NEURL1: variants seen among roughly 807,000 people sequenced by gnomAD.
The protein encoded by NEURL1 is neuralized E3 ubiquitin protein ligase 1.
NEURL1 carries 26 observed loss-of-function variants against 41.2 expected under a neutral mutation model. The observed-to-expected ratio is 0.63, with a 90% CI of 0.46 to 0.87. The LOEUF is 0.87. Ranked by LOEUF, NEURL1 falls within the 40% of genes least tolerant of loss-of-function variation. The pLI, the probability that NEURL1 is intolerant of heterozygous loss-of-function variation, is 0.00. For missense variants in NEURL1, 761 were observed against 871.1 expected, an observed-to-expected ratio of 0.87 and a Z score of 1.59; for synonymous variants, 400 against 402.3, an observed-to-expected ratio of 0.99 and a Z score of 0.07.
At position 103,590,396 on chromosome 10, in the gene NEURL1, A is replaced by G. The variant is rs201923298; in HGVS notation, c.*24A>G. The G allele has an allele frequency of 1.3e-5, 20 of 1,583,282 alleles. No homozygotes were observed. In the East Asian group the frequency reaches 2.7e-4, roughly 21 times the overall value. On this transcript the variant is annotated 3_prime_UTR_variant, in exon 6 of 6. Transcript: ENST00000369780. Reference sequence around the variant, plus strand: ...AGCCCGTTGCGGTGGCCCATCCCGCATACCCATCTTCTCGGGCTTCAGCCC... The same window carrying G: ...AGCCCGTTGCGGTGGCCCATCCCGCGTACCCATCTTCTCGGGCTTCAGCCC...
intron 1 of NEURL1, among the ~76,000 whole-genome samples, chr10:103,529,383 A>T (rs1451509009): frequency 6.6e-6 from 1 of 152,200 alleles, no homozygotes; most frequent in Non-Finnish European, 1.5e-5. Context: ...AGGTCCCAAG[A>T]TAACTTGGGG....
intron 1 of NEURL1, among the ~76,000 whole-genome samples, chr10:103,554,475 T>C (rs995873435): frequency 1.3e-5 from 2 of 152,098 alleles, no homozygotes; most frequent in African/African-American, 2.4e-5. Flanking sequence ...GTGGTGTGTG[T>C]GTATGTGCAT....
rs2033989495 is a variant in NEURL1 at position 103,508,112 on chromosome 10, C to T, written c.85+13640C>T. On this transcript the variant is annotated intron_variant, in intron 1 of 5. Coordinates refer to ENST00000369780, the MANE Select transcript of NEURL1 (RefSeq NM_004210.5). This position sits in a 1 kb window ranked among gnomAD's most constrained non-coding sequence, Gnocchi z 4.3. ...AGAATGCGGAAGAGCAGCTGAGAAC[C>T]AGGCAACAGCTGGGAAAGTGGGGAG... 6.6e-6 allele frequency among the ~76,000 whole-genome samples: 1 copy of T among 152,204 alleles called. No individual in the cohort carries two copies. The highest frequency in any genetic ancestry group is 2.4e-5 in the African/African-American group (1 of 41,448).
rs117601495 is a variant in NEURL1 at position 103,554,621 on chromosome 10, C to T, written c.86-16251C>T. Among the ~76,000 whole-genome samples, 352 of 152,282 alleles carry T rather than the reference C, an allele frequency of 2.3e-3. 3 individuals carry two copies. The highest frequency in any genetic ancestry group is 2.2e-3 in the Non-Finnish European group (152 of 68,020). ...TCAGTTTTCTCATCTGTAAGACCAT[C>T]ATCATCATCTTAGAGATGGTACCTG... On this transcript the variant is annotated intron_variant, in intron 1 of 5. Coordinates refer to ENST00000369780, the MANE Select transcript of NEURL1 (RefSeq NM_004210.5).
intron 1 of NEURL1, among the ~76,000 whole-genome samples, chr10:103,534,774 A>G (rs2034655327): frequency 6.6e-6 from 1 of 152,088 alleles, no homozygotes; most frequent in South Asian, 2.1e-4. Flanking sequence ...CTGGGGTCCT[A>G]GGCTGAGGGT....
chr10:103,541,234 C>T (rs935078983), intron 1 of NEURL1, among the ~76,000 whole-genome samples: 3 of 152,036 alleles, frequency 2.0e-5, no homozygotes, highest in African/African-American at 7.3e-5. Flanking sequence ...GTTAAGTAGA[C>T]ATCAAGAGAG....
At position 103,590,642 on chromosome 10, in the gene NEURL1, A is replaced by G; in HGVS notation, c.*270A>G. ...GTCTCTGCACCCAGCTCCTCTCTGC[A>G]TGCTGAGGGCTAAATTGGGATCTCA... is the stretch of plus-strand genomic sequence containing the variant. On this transcript the variant is annotated 3_prime_UTR_variant, in exon 6 of 6. Coordinates refer to ENST00000369780, the MANE Select transcript of NEURL1 (RefSeq NM_004210.5). 1 of 507,752 alleles carries G rather than the reference A, an allele frequency of 2.0e-6. No homozygotes were observed. The allele number at this position is 507,752 out of a possible 1,614,324, so 31.5% of individuals were successfully genotyped here.
intron 1 of NEURL1, among the ~76,000 whole-genome samples, chr10:103,559,908 AACAC>A (rs774621863): frequency 6.6e-6 from 1 of 151,818 alleles, no homozygotes; most frequent in Non-Finnish European, 1.5e-5. Context: ...GCACACACAC[AACAC>A]ACACATGCAC....
rs1268971404 is a variant in NEURL1 at position 103,566,962 on chromosome 10, T to G, written c.86-3910T>G. 6.6e-6 allele frequency among the ~76,000 whole-genome samples: 1 copy of G among 151,914 alleles called. No homozygotes were observed. Among genetic ancestry groups the G allele is most frequent in the Non-Finnish European group, 1.5e-5 (1 of 67,996 alleles). On this transcript the variant is annotated intron_variant, in intron 1 of 5. Transcript: ENST00000369780. The surrounding 1 kb of genome is among the most constrained non-coding windows in gnomAD (Gnocchi z 4.2). ...GTTTTGGGTGGTACATAAAGGAAAC[T>G]TTGTTTCTTTTCTTTCTTTCTTTTT...
intron 1 of NEURL1, among the ~76,000 whole-genome samples, chr10:103,515,788 C>G (rs1269543362): frequency 6.6e-6 from 1 of 152,176 alleles, no homozygotes; most frequent in East Asian, 1.9e-4. Context: ...AAAGATCGTG[C>G]TGGCTACCCT....
At chr10:103,587,820 A>T (rs763090853) in intron 4 of NEURL1, among the ~76,000 whole-genome samples, 1 of 152,254 alleles carries the variant, frequency 6.6e-6, no homozygotes, top group Non-Finnish European at 1.5e-5. Flanking sequence ...GATGATAATT[A>T]ACTTGGAAAA....
rs1216074796 is a variant in NEURL1 at position 103,528,545 on chromosome 10, AAAAAAGAAAAG to A, written c.85+34084_85+34094del. Reference sequence around the variant, plus strand: ...GCGTGACTCCGTCTCAAAAAAAAAAAAAAAAGAAAAGAAAAAGAAAATGTTGGTATGGTGAG... The same window carrying A: ...GCGTGACTCCGTCTCAAAAAAAAAAAAAAAAGAAAATGTTGGTATGGTGAG... On this transcript the variant is annotated intron_variant, in intron 1 of 5. Transcript: ENST00000369780. Among the ~76,000 whole-genome samples, 13 of 152,128 alleles carry A rather than the reference AAAAAAGAAAAG, an allele frequency of 8.5e-5. 2 individuals carry two copies. The highest frequency in any genetic ancestry group is 2.6e-4 in the African/African-American group (11 of 41,538).
At chr10:103,550,357 G>A (rs1025886647) in intron 1 of NEURL1, among the ~76,000 whole-genome samples, 3 of 152,168 alleles carry the variant, frequency 2.0e-5, no homozygotes, top group African/African-American at 7.2e-5. Flanking sequence ...AGAGCCAAGG[G>A]GCCTAAGGTT....
intron 1 of NEURL1, among the ~76,000 whole-genome samples, chr10:103,528,526 C>G (rs866768646): frequency 6.8e-6 from 1 of 146,020 alleles, no homozygotes; most frequent in Admixed American, 6.9e-5. Context: ...TAGAGCGTGA[C>G]TCCGTCTCAA....
chr10:103,534,115 C>T (rs990594690), intron 1 of NEURL1, among the ~76,000 whole-genome samples: 1 of 148,432 alleles, frequency 6.7e-6, no homozygotes, highest in African/African-American at 2.5e-5. Flanking sequence ...GTTTCTATCT[C>T]TTTGTTGAAT....
At chr10:103,506,831 G>T (rs2033959406) in intron 1 of NEURL1, among the ~76,000 whole-genome samples, 1 of 151,996 alleles carries the variant, frequency 6.6e-6, no homozygotes, top group South Asian at 2.1e-4. Flanking sequence ...AAGTACGGGG[G>T]ATTACAGGTG....
chr10:103,588,965 G>C, intron 4 of NEURL1: 1 of 437,284 alleles, frequency 2.3e-6, no homozygotes, highest in Non-Finnish European at 4.5e-6. Context: ...AAAAAAAGGA[G>C]AGGAAGTGAG....
In NEURL1 at chr10:103,500,024, C is replaced by T. The variant is rs968219318; in HGVS notation, c.85+5552C>T. On this transcript the variant is annotated intron_variant, in intron 1 of 5. Transcript: ENST00000369780. ...TGGGCTCCTTCCTTGGTTGTCATGA[C>T]GCTTGCAGATTAGGTGAGCTCATCC... Among the ~76,000 whole-genome samples, 9 of 152,254 alleles carry T rather than the reference C, an allele frequency of 5.9e-5. No homozygotes were observed. The South Asian group carries it at 6.2e-4, about 11-fold the overall frequency.
intron 3 of NEURL1, among the ~76,000 whole-genome samples, chr10:103,584,017 G>A (rs1226685159): frequency 6.6e-6 from 1 of 152,052 alleles, no homozygotes; most frequent in African/African-American, 2.4e-5. Context: ...GCCTCAAAAG[G>A]TGATTGTTAA....
Sources: allele counts gnomAD v4.1 joint callset (sites outside exome capture counted in the v4.1 genomes callset), GRCh38; gene constraint gnomAD v4.1.1; non-coding constraint Gnocchi (gnomAD v3.1); transcripts MANE v1.5; gene names NCBI Gene and HGNC (gene_info 2026-07-23, HGNC 2026-07-21).